PLEKHM3: variants seen among roughly 807,000 people sequenced by gnomAD.
PLEKHM3 encodes the protein pleckstrin homology domain containing M3.
PLEKHM3 carries 45 observed loss-of-function variants against 81.8 expected under a neutral mutation model. The ratio of observed to expected loss-of-function variants is 0.55; its 90% CI spans 0.43 to 0.71. PLEKHM3 has a LOEUF of 0.71. PLEKHM3 is among the 30% of genes least tolerant of loss of function. PLEKHM3 has a pLI of 0.00. For synonymous variants in PLEKHM3, 352 were observed against 356.4 expected, an observed-to-expected ratio of 0.99 and a Z score of 0.14; for missense variants, 788 against 924.3, an observed-to-expected ratio of 0.85 and a Z score of 1.91.
At chr2:207,833,428 C>T (rs1461448713) in intron 7 of PLEKHM3, among the ~76,000 whole-genome samples, 2 of 151,782 alleles carry the variant, frequency 1.3e-5, no homozygotes, top group Non-Finnish European at 2.9e-5. Context: ...AACGTCCTCC[C>T]TTTGCAGTGT....
intron 5 of PLEKHM3, among the ~76,000 whole-genome samples, chr2:207,927,821 C>A (rs1689453186): frequency 6.6e-6 from 1 of 152,138 alleles, no homozygotes; most frequent in Admixed American, 6.5e-5. Context: ...CAGAGCAAAA[C>A]TCCGTCTCAA....
At chr2:207,983,086 C>T (rs1691593808) in intron 2 of PLEKHM3, among the ~76,000 whole-genome samples, 1 of 138,448 alleles carries the variant, frequency 7.2e-6, no homozygotes, top group Admixed American at 7.9e-5. Flanking sequence ...GAGTCTCGCT[C>T]TGTCGCCCAG....
In PLEKHM3 at chr2:207,922,823, A is replaced by C. The variant is rs542272282; in HGVS notation, c.1886+8103T>G. Among the ~76,000 whole-genome samples, 3 of 152,206 alleles carry C rather than the reference A, an allele frequency of 2.0e-5. No individual in the cohort carries two copies. The South Asian group carries it at 6.2e-4, about 32-fold the overall frequency. On this transcript the variant is annotated intron_variant, in intron 5 of 7. Transcript: ENST00000427836. The stretch of plus-strand genomic sequence containing the variant: ...AGAGACTCCGTCTCAAAAAAAAAAA[A>C]AGAAGACCATCCAAGCCCTTAAGTG...
intron 3 of PLEKHM3, among the ~76,000 whole-genome samples, chr2:207,955,225 G>C (rs1690463317): frequency 6.6e-6 from 1 of 151,970 alleles, no homozygotes; most frequent in South Asian, 2.1e-4. Context: ...GCTTTTATTG[G>C]TGTAAGATAA....
intron 6 of PLEKHM3, among the ~76,000 whole-genome samples, chr2:207,867,863 T>C (rs1439768308): frequency 6.6e-6 from 1 of 152,080 alleles, no homozygotes; most frequent in African/African-American, 2.4e-5. Flanking sequence ...ATTATACAAA[T>C]ACTAGGAAGG....
intron 5 of PLEKHM3, among the ~76,000 whole-genome samples, chr2:207,922,732 A>C (rs1323180261): frequency 6.6e-6 from 1 of 152,042 alleles, no homozygotes; most frequent in Non-Finnish European, 1.5e-5. Context: ...GAATGGTGTG[A>C]ACCCGGGAGG....
chr2:207,828,537 C>T (rs720632), intron 7 of PLEKHM3, 41 bp from the exon 8 acceptor site: 7 of 1,589,974 alleles, frequency 4.4e-6, no homozygotes, highest in Non-Finnish European at 2.6e-6. Context: ...AAGACTGAAG[C>T]CAGCAAGACA....
chr2:207,930,362 G>C (rs1373802321), intron 5 of PLEKHM3, among the ~76,000 whole-genome samples: 1 of 151,924 alleles, frequency 6.6e-6, no homozygotes, highest in Non-Finnish European at 1.5e-5. Flanking sequence ...CAGGAGGATC[G>C]CTTGAGTCCA....
At chr2:207,859,264 G>A (rs931114088) in intron 7 of PLEKHM3, among the ~76,000 whole-genome samples, 1 of 148,082 alleles carries the variant, frequency 6.8e-6, no homozygotes, top group African/African-American at 2.5e-5. Context: ...TCAGCCTCCC[G>A]AGCAGCTGGG....
At chr2:207,837,350 C>G (rs2092324879) in intron 7 of PLEKHM3, among the ~76,000 whole-genome samples, 1 of 152,004 alleles carries the variant, frequency 6.6e-6, no homozygotes, top group Non-Finnish European at 1.5e-5. Context: ...GCCATAATTC[C>G]AGCACTTTGG....
chr2:207,964,571 T>G (rs745607298), intron 3 of PLEKHM3, among the ~76,000 whole-genome samples: 2 of 152,168 alleles, frequency 1.3e-5, no homozygotes, highest in East Asian at 1.9e-4. Flanking sequence ...GGGAAGGCGG[T>G]CAATAAAGTC....
intron 3 of PLEKHM3, among the ~76,000 whole-genome samples, chr2:207,953,494 C>T (rs539370937): frequency 1.2e-4 from 19 of 152,186 alleles, no homozygotes; most frequent in African/African-American, 4.3e-4. Context: ...GAAACTGACT[C>T]ATAAATTTCC....
At chr2:207,972,353 G>T (rs763095885) in intron 3 of PLEKHM3, among the ~76,000 whole-genome samples, 1 of 150,876 alleles carries the variant, frequency 6.6e-6, no homozygotes, top group South Asian at 2.1e-4. Flanking sequence ...GCCGGGGGGC[G>T]GGGGGGCGGT....
chr2:207,873,784 A>G (rs577045958), intron 6 of PLEKHM3, among the ~76,000 whole-genome samples: 25 of 152,330 alleles, frequency 1.6e-4, no homozygotes, highest in Non-Finnish European at 3.1e-4. Flanking sequence ...CACTTTCGGG[A>G]TGTAAAGTAC....
intron 7 of PLEKHM3, among the ~76,000 whole-genome samples, chr2:207,854,334 A>G (rs28472840): frequency 0.31 from 47,093 of 152,024 alleles, 7,464 homozygotes; most frequent in Middle Eastern, 0.36. Context: ...TTATTAATAC[A>G]TGGAAATTTC....
In PLEKHM3 at chr2:207,950,601, G is replaced by A. The variant is rs577793006; in HGVS notation, c.1547-4089C>T. Among the ~76,000 whole-genome samples, 38 of 152,128 alleles carry A rather than the reference G, an allele frequency of 2.5e-4. No homozygotes were observed. The South Asian group carries it at 6.4e-3, about 26-fold the overall frequency. On this transcript the variant is annotated intron_variant, in intron 3 of 7. Transcript: ENST00000427836. ...CCCATCCTATCCCCAACCCACACGCGGGACGTTGACGGGTAAAAGCTGAGG... is the reference window on the plus strand; with the variant it reads ...CCCATCCTATCCCCAACCCACACGCAGGACGTTGACGGGTAAAAGCTGAGG...
At chr2:207,840,659 T>C in intron 7 of PLEKHM3, among the ~76,000 whole-genome samples, 1 of 152,216 alleles carries the variant, frequency 6.6e-6, no homozygotes, top group Non-Finnish European at 1.5e-5. Context: ...GCCCATTTTC[T>C]ACTGATATTT....
Position 207,821,541 on chromosome 2 carries a change from C to T in PLEKHM3, c.*6778G>A, listed in dbSNP as rs112940382. 4.6e-5 allele frequency: 7 copies of T among 152,034 alleles called. No individual in the cohort carries two copies. The South Asian group carries it at 1.5e-3, about 32-fold the overall frequency. The allele number at this position is 152,034 out of a possible 1,614,324, so 9.4% of individuals were successfully genotyped here. A position where few individuals can be genotyped will look rare whatever the true frequency, so the allele number is the denominator to read the frequency against. ...ATATAAGTTAGCACATTAGCTACTA[C>T]AAATAACTTAACACAAAGTGATATA... On this transcript the variant is annotated 3_prime_UTR_variant, in exon 8 of 8. Coordinates refer to ENST00000427836, the MANE Select transcript of PLEKHM3 (RefSeq NM_001080475.3).
intron 6 of PLEKHM3, among the ~76,000 whole-genome samples, chr2:207,901,830 A>G (rs985913332): frequency 1.3e-5 from 2 of 152,170 alleles, no homozygotes; most frequent in African/African-American, 4.8e-5. Flanking sequence ...AATAGTTAAC[A>G]GAGATTTAGT....
Sources: allele counts gnomAD v4.1 joint callset (sites outside exome capture counted in the v4.1 genomes callset), GRCh38; gene constraint gnomAD v4.1.1; transcripts MANE v1.5; gene names NCBI Gene and HGNC (gene_info 2026-07-23, HGNC 2026-07-21).